NSD3: variants seen among roughly 807,000 people sequenced by gnomAD.
The protein encoded by NSD3 is histone-lysine N-methyltransferase NSD3.
A neutral mutation model predicts 160.8 loss-of-function variants in NSD3; 24 were observed. That is an observed-to-expected ratio of 0.15 (90% confidence interval 0.11 to 0.21). The LOEUF (loss-of-function observed/expected upper bound fraction) is 0.21, where lower values mean the gene tolerates loss of function less well. NSD3 is among the 10% of genes least tolerant of loss of function. The pLI is 1.00. For missense variants in NSD3, 1,157 were observed against 1,735.9 expected, an observed-to-expected ratio of 0.67 and a Z score of 5.93; for synonymous variants, 520 against 600.0, an observed-to-expected ratio of 0.87 and a Z score of 1.95.
intron 4 of NSD3, among the ~76,000 whole-genome samples, chr8:38,334,352 G>A (rs1259099228): frequency 2.0e-5 from 3 of 152,174 alleles, no homozygotes; most frequent in Admixed American, 6.5e-5. Context: ...GACTGCTAAT[G>A]GATACAGGAT....
In NSD3 at chr8:38,329,415, T is replaced by C. The variant is rs1431222706; in HGVS notation, c.1544A>G (p.Asp515Gly). ...QVFALQNATGDGKFIDQFVYS... is the reference protein window; with the variant it reads ...QVFALQNATGGGKFIDQFVYS... ...AACAAATTGATCGATAAATTTCCCATCCCCTGTAGCATTCTGAAGAGCAAA... is the reference window on the plus strand; with the variant it reads ...AACAAATTGATCGATAAATTTCCCACCCCCTGTAGCATTCTGAAGAGCAAA... The change falls in exon 6 of 24, where the codon GAT (aspartate) becomes GGT (glycine). Residue 515 changes from aspartate to glycine, a missense_variant. Transcript: ENST00000317025. The surrounding 1 kb of genome is among the most constrained non-coding windows in gnomAD (Gnocchi z 4.8). The C allele has an allele frequency of 6.2e-7, 1 of 1,612,078 alleles. No individual in the cohort carries two copies. Among genetic ancestry groups the C allele is most frequent in the Admixed American group, 1.7e-5 (1 of 59,784 alleles).
chr8:38,307,525 G>T (rs776204505), intron 12 of NSD3, among the ~76,000 whole-genome samples: 6 of 152,202 alleles, frequency 3.9e-5, no homozygotes, highest in Non-Finnish European at 7.3e-5. Flanking sequence ...AACATTGTTT[G>T]TAATTGCAAA....
Position 38,271,874 on chromosome 8 carries a change from C to T in NSD3, c.*3767G>A, listed in dbSNP as rs1432912751. 1 of 152,194 alleles carries T rather than the reference C, an allele frequency of 6.6e-6. No homozygotes were observed. Among genetic ancestry groups the T allele is most frequent in the Non-Finnish European group, 1.5e-5 (1 of 68,046 alleles). The allele number at this position is 152,194 out of a possible 1,614,324, so 9.4% of individuals were successfully genotyped here. On this transcript the variant is annotated 3_prime_UTR_variant, in exon 24 of 24. Transcript: ENST00000317025. ...CATGTGGCAGCCAACACCTTGACTT[C>T]AAGGTGAATGCTAAAGGAAGAGCTT...
intron 2 of NSD3, among the ~76,000 whole-genome samples, chr8:38,343,102 A>T (rs1232552157): frequency 6.6e-6 from 1 of 151,822 alleles, no homozygotes; most frequent in Non-Finnish European, 1.5e-5. Context: ...GGGCTGAGGC[A>T]TAGGAATCGC....
chr8:38,281,913 C>T (rs953959908), intron 19 of NSD3, among the ~76,000 whole-genome samples: 3 of 152,154 alleles, frequency 2.0e-5, no homozygotes, highest in African/African-American at 7.2e-5. Flanking sequence ...TAGTTGGTGG[C>T]TATGCAGGTT....
intron 20 of NSD3, among the ~76,000 whole-genome samples, chr8:38,281,176 C>A (rs1808724709): frequency 6.6e-6 from 1 of 152,040 alleles, no homozygotes; most frequent in Non-Finnish European, 1.5e-5. Context: ...AAACTGAGGC[C>A]CAGGACTTTT....
chr8:38,317,707 T>C lies in NSD3; in HGVS notation c.1855+1188A>G. 1.5e-6 allele frequency: 2 copies of C among 1,342,012 alleles called. No individual in the cohort carries two copies. Among genetic ancestry groups the C allele is most frequent in the South Asian group, 1.6e-5 (1 of 60,650 alleles). 83.1% of individuals were successfully genotyped at this position (1,342,012 alleles called of 1,614,324 possible). A position where few individuals can be genotyped will look rare whatever the true frequency, so the allele number is the denominator to read the frequency against. On this transcript the variant is annotated intron_variant, in intron 9 of 23. Transcript: ENST00000317025. This position sits in a 1 kb window ranked among gnomAD's most constrained non-coding sequence, Gnocchi z 5.3. ...TTGAAATTGATCAGTGTAAGTTAAA[T>C]GGTGGTTTTTAGGCTGGACCCATGA...
intron 16 of NSD3, among the ~76,000 whole-genome samples, chr8:38,295,274 A>G (rs1464217568): frequency 2.6e-5 from 4 of 151,338 alleles, no homozygotes; most frequent in African/African-American, 9.8e-5. Context: ...ACTTAAAAAC[A>G]AAAGTTGGTG....
chr8:38,366,133 G>C (rs573705282), intron 1 of NSD3, among the ~76,000 whole-genome samples: 1 of 137,072 alleles, frequency 7.3e-6, no homozygotes, highest in Non-Finnish European at 1.6e-5. Flanking sequence ...AAAAAAAAAA[G>C]CTGAAATGAA....
intron 14 of NSD3, 66 bp from the exon 15 acceptor site, chr8:38,299,656 T>G: frequency 7.0e-7 from 1 of 1,436,192 alleles, no homozygotes; most frequent in Non-Finnish European, 9.2e-7. Flanking sequence ...GAGGAAAAAA[T>G]AAACCAACAC....
At chr8:38,283,565 T>G (rs963199655) in intron 19 of NSD3, among the ~76,000 whole-genome samples, 7 of 152,036 alleles carry the variant, frequency 4.6e-5, no homozygotes, top group Non-Finnish European at 1.0e-4. Context: ...TTAAAACATT[T>G]AATCTTTTCT....
intron 15 of NSD3, among the ~76,000 whole-genome samples, chr8:38,297,243 T>C (rs1809171704): frequency 6.6e-6 from 1 of 152,172 alleles, no homozygotes; most frequent in Non-Finnish European, 1.5e-5. Context: ...CACAAAATAC[T>C]CTCTGGATTG....
chr8:38,296,354 A>C lies in NSD3; in HGVS notation c.2759-402T>G, dbSNP rs528484012. Among the ~76,000 whole-genome samples the C allele has an allele frequency of 3.9e-5, 6 of 152,364 alleles. No individual in the cohort carries two copies. The East Asian group carries it at 9.6e-4, about 24-fold the overall frequency. The stretch of plus-strand genomic sequence containing the variant: ...CTTTTCTCCTTCAGAGGTAAGAAAG[A>C]AAGCAAGTCATCGTTGTATTTTAAT... On this transcript the variant is annotated intron_variant, in intron 15 of 23. Transcript: ENST00000317025.
At chr8:38,299,294 G>A in intron 15 of NSD3, 150 bp downstream of exon 15, 1 of 710,910 alleles carries the variant, frequency 1.4e-6, no homozygotes, top group Non-Finnish European at 2.2e-6. Context: ...TAATTGTGCA[G>A]CCATATGAAG....
At chr8:38,296,060 GA>G (rs1809130510) in intron 15 of NSD3, 108 bp from the exon 16 acceptor site, 2 of 1,150,816 alleles carry the variant, frequency 1.7e-6, no homozygotes, top group Non-Finnish European at 2.4e-6. Context: ...CAAATTGGGG[GA>G]AAATAACAAA....
intron 4 of NSD3, among the ~76,000 whole-genome samples, chr8:38,337,010 C>T (rs193022204): frequency 2.0e-4 from 30 of 151,908 alleles, no homozygotes; most frequent in African/African-American, 6.3e-4. Context: ...GGAATTGTGG[C>T]GGGTGCCTGT....
intron 14 of NSD3, among the ~76,000 whole-genome samples, chr8:38,301,503 C>T (rs1351116010): frequency 6.6e-6 from 1 of 152,176 alleles, no homozygotes; most frequent in East Asian, 1.9e-4. Flanking sequence ...TCGCTTGAAC[C>T]CAGAAGGCAG....
Position 38,275,891 on chromosome 8 carries a change from G to A in NSD3, c.4073-9C>T. 6.2e-7 allele frequency: 1 copy of A among 1,610,194 alleles called. No individual in the cohort carries two copies. Among genetic ancestry groups the A allele is most frequent in the Non-Finnish European group, 8.5e-7 (1 of 1,177,416 alleles). On this transcript the variant is annotated splice_polypyrimidine_tract_variant and intron_variant, in intron 23 of 23. Coordinates refer to ENST00000317025, the MANE Select transcript of NSD3 (RefSeq NM_023034.2). ...CGGACACTCCCACTTTCCTAATTCG[G>A]GGAGATGGGGAGGAAGAAGGAGAAG... is the stretch of plus-strand genomic sequence containing the variant.
intron 12 of NSD3, among the ~76,000 whole-genome samples, chr8:38,313,996 C>CAAAAG (rs1219503182): frequency 2.3e-4 from 22 of 95,424 alleles, no homozygotes; most frequent in Admixed American, 2.1e-3. Flanking sequence ...TAAAACAAAG[C>CAAAAG]AAAACAAAAA....
Sources: allele counts gnomAD v4.1 joint callset (sites outside exome capture counted in the v4.1 genomes callset), GRCh38; gene constraint gnomAD v4.1.1; non-coding constraint Gnocchi (gnomAD v3.1); transcripts MANE v1.5; gene names NCBI Gene and HGNC (gene_info 2026-07-23, HGNC 2026-07-21).